Variants in ERI2 observed in about 807,000 individuals in gnomAD.
ERI2 encodes the protein ERI1 exoribonuclease family member 2.
ERI2 carries 35 observed loss-of-function variants against 46.8 expected under a neutral mutation model. The ratio of observed to expected loss-of-function variants is 0.75; its 90% confidence interval spans 0.57 to 0.99. ERI2 has a LOEUF of 0.99. Ranked by LOEUF, ERI2 falls within the 50% of genes least tolerant of loss-of-function variation. ERI2 has a pLI of 0.00. For synonymous variants in ERI2, 224 were observed against 271.0 expected, an observed-to-expected ratio of 0.83 and a Z score of 1.70; for missense variants, 695 against 796.2, an observed-to-expected ratio of 0.87 and a Z score of 1.53.
At chr16:20,802,960 T>G in intron 3 of ERI2, 37 bp from the exon 4 acceptor site, 1 of 1,519,898 alleles carries the variant, frequency 6.6e-7, no homozygotes. Flanking sequence ...GTTGAATAAA[T>G]AATTTTTAAA....
Position 20,796,493 on chromosome 16 carries a change from G to C in ERI2, c.*1231C>G, listed in dbSNP as rs1369615982. The C allele has an allele frequency of 3.1e-6, 5 of 1,610,750 alleles. No homozygotes were observed. The highest frequency in any genetic ancestry group is 2.7e-5 in the African/African-American group (2 of 74,642). ...ACCTTACAAATATCCCAGAAAGGTA[G>C]GCATCCTAATTATAACGAATATTTG... On this transcript the variant is annotated 3_prime_UTR_variant, in exon 9 of 9. Transcript: ENST00000357967.
In ERI2 at chr16:20,796,701, A is replaced by T. The variant is rs1596546444; in HGVS notation, c.*1023T>A. ...TCCTTTGGCTTACTGGACTCACAGT[A>T]AATACTTAATATCAAGACAACTTTC... On this transcript the variant is annotated 3_prime_UTR_variant, in exon 9 of 9. Coordinates refer to ENST00000357967, the MANE Select transcript of ERI2 (RefSeq NM_001142725.2). 1.3e-6 allele frequency: 2 copies of T among 1,481,902 alleles called. No individual in the cohort carries two copies. The highest frequency in any genetic ancestry group is 1.8e-6 in the Non-Finnish European group (2 of 1,123,620). 91.8% of individuals were successfully genotyped at this position (1,481,902 alleles called of 1,614,324 possible).
chr16:20,793,092 C>CA (rs2080638130), downstream of ERI2, among the ~76,000 whole-genome samples: 1 of 152,204 alleles, frequency 6.6e-6, no homozygotes, highest in South Asian at 2.1e-4. Flanking sequence ...CTCCTTATCT[C>CA]AAATCCTAGG....
chr16:20,796,281 C>A, downstream of ERI2: 1 of 1,541,428 alleles, frequency 6.5e-7, no homozygotes, highest in Non-Finnish European at 8.7e-7. Flanking sequence ...CCCCACCAGG[C>A]ATGTAGATTC....
intron 4 of ERI2, 130 bp downstream of exon 4, chr16:20,802,666 G>T: frequency 1.8e-6 from 2 of 1,097,194 alleles, no homozygotes; most frequent in Non-Finnish European, 2.4e-6. Flanking sequence ...TCGAACATCA[G>T]CCTGCAAAGT....
chr16:20,796,073 A>G (rs2080716322), downstream of ERI2: 3 of 288,048 alleles, frequency 1.0e-5, no homozygotes, highest in South Asian at 2.0e-4. Context: ...TTCTCTGTGA[A>G]CTGTTCCCTT....
At chr16:20,806,301 G>C (rs752477333) in intron 1 of ERI2, 107 bp downstream of exon 1, 1 of 1,496,022 alleles carries the variant, frequency 6.7e-7, no homozygotes, top group South Asian at 1.3e-5. Context: ...GGGCTGCGGG[G>C]AATAGAGGCC....
chr16:20,782,290 G>C (rs1048497033), intron 10 of ERI2, among the ~76,000 whole-genome samples: 4 of 152,020 alleles, frequency 2.6e-5, no homozygotes, highest in Middle Eastern at 3.2e-3. Context: ...GTGGTGTTTG[G>C]TTACATGAAT....
Position 20,802,998 on chromosome 16 carries a change from CAT to C in ERI2, c.176-77_176-76del, listed in dbSNP as rs1443031655. 100 of 1,382,472 alleles carry C rather than the reference CAT, an allele frequency of 7.2e-5. 1 individual carries two copies. The highest frequency in any genetic ancestry group is 3.2e-4 in the South Asian group (19 of 60,280). The allele number at this position is 1,382,472 out of a possible 1,614,324, so 85.6% of individuals were successfully genotyped here. On this transcript the variant is annotated intron_variant, in intron 3 of 8. Transcript: ENST00000357967. ...AATCCTGTAATCATCCTAAATTAAA[CAT>C]GTTACCATTTTAATTAAACAACCAG...
At chr16:20,791,826 G>T (rs1325699841), downstream of ERI2, among the ~76,000 whole-genome samples, 2 of 152,082 alleles carry the variant, frequency 1.3e-5, no homozygotes, top group African/African-American at 2.4e-5. Flanking sequence ...TATTTGGAAG[G>T]CTGAGGCAGG....
intron 10 of ERI2, chr16:20,781,182 G>A (rs768159965): frequency 1.4e-5 from 22 of 1,595,010 alleles, no homozygotes; most frequent in Non-Finnish European, 1.8e-5. Context: ...AAGCAGTATG[G>A]CTGACAGAAC....
chr16:20,805,144 G>C (rs1371655342), intron 1 of ERI2, among the ~76,000 whole-genome samples: 3 of 152,144 alleles, frequency 2.0e-5, no homozygotes, highest in Admixed American at 6.5e-5. Context: ...AGGATCACTA[G>C]GCCAGGCACC....
chr16:20,801,088 A>G, intron 5 of ERI2, 115 bp downstream of exon 5: 5 of 990,304 alleles, frequency 5.0e-6, no homozygotes, highest in Non-Finnish European at 6.9e-6. Context: ...TTTTTTTCCT[A>G]GCCCAGAAGA....
intron 10 of ERI2, among the ~76,000 whole-genome samples, chr16:20,782,025 C>A (rs1359023352): frequency 6.6e-6 from 1 of 152,028 alleles, no homozygotes; most frequent in Non-Finnish European, 1.5e-5. Context: ...AGCTCTAAGC[C>A]CAGTGGTTAT....
Position 20,798,436 on chromosome 16 carries a change from T to G in ERI2, c.1364A>C (p.His455Pro). The G allele has an allele frequency of 6.4e-7, 1 of 1,550,824 alleles. No individual in the cohort carries two copies. Among genetic ancestry groups the G allele is most frequent in the South Asian group, 1.2e-5 (1 of 83,844 alleles). The change falls in exon 9 of 9, where the codon CAT (histidine) becomes CCT (proline). Residue 455 changes from histidine (H) to proline (P), a missense_variant. By Grantham distance (77) the His-to-Pro change is moderately conservative. Transcript: ENST00000357967. ...MVLKELEMSSHENFGDIEETP... is the reference protein window; with the variant it reads ...MVLKELEMSSPENFGDIEETP... ...TTCCTCTATGTCTCCAAAGTTTTCA[T>G]GACTTGACATTTCCAATTCTTTCAA... is the stretch of plus-strand genomic sequence containing the variant.
rs960950640 is a variant in ERI2 at position 20,806,466 on chromosome 16, G to T, written c.-36C>A. On this transcript the variant is annotated 5_prime_UTR_variant, in exon 1 of 9. Transcript: ENST00000357967. ...CCTTGCTTTTCCAAGTCCAGCTGCC[G>T]GAAGTCGCTCGACTTCTACTTCCGG... The T allele has an allele frequency of 1.9e-6, 3 of 1,550,768 alleles. No homozygotes were observed. The highest frequency in any genetic ancestry group is 1.7e-6 in the Non-Finnish European group (2 of 1,147,262).
At chr16:20,784,433 C>T (rs954381181) in intron 10 of ERI2, 7 of 152,620 alleles carry the variant, frequency 4.6e-5, no homozygotes, top group African/African-American at 9.7e-5. Context: ...GTATAGTATT[C>T]CATTGTATAA....
At chr16:20,803,200 T>C (rs1408684626) in intron 3 of ERI2, among the ~76,000 whole-genome samples, 1 of 152,182 alleles carries the variant, frequency 6.6e-6, no homozygotes, top group East Asian at 1.9e-4. Context: ...TGCAAAGGCA[T>C]TTTTTTCAGT....
chr16:20,801,301 A>G lies in ERI2; in HGVS notation c.362T>C (p.Ile121Thr). 1 of 1,612,408 alleles carries G rather than the reference A, an allele frequency of 6.2e-7. No individual in the cohort carries two copies. The change falls in exon 5 of 9, where the codon ATT (isoleucine) becomes ACT (threonine). Residue 121 changes from isoleucine to threonine, a missense_variant. By Grantham distance (89) the Ile-to-Thr change is moderately conservative. Coordinates refer to ENST00000357967, the MANE Select transcript of ERI2 (RefSeq NM_001142725.2). The stretch of plus-strand genomic sequence containing the variant: ...GTTCTTCTGTTGCTGAATCTTATGA[A>G]TCCATTTACAGAACTGAGATAAGCA... ...KICLSQFCKW[I>T]HKIQQQKNII...
Sources: gnomAD v4.1 joint callset for allele counts (sites outside exome capture counted in the v4.1 genomes callset) on GRCh38, gnomAD v4.1.1 for gene constraint, MANE v1.5 for transcripts, NCBI Gene and HGNC (gene_info 2026-07-23, HGNC 2026-07-21) for gene names.